The following GOPC variants were observed in gnomAD, a reference collection of about 807,000 sequenced individuals.
The protein encoded by GOPC is Golgi-associated PDZ and coiled-coil motif-containing protein.
A neutral mutation model predicts 51.2 loss-of-function variants in GOPC; 32 were observed. That is an observed-to-expected ratio of 0.63 (90% CI 0.47 to 0.84). The LOEUF is 0.84. GOPC is among the 40% of genes least tolerant of loss of function. The probability of loss-of-function intolerance (pLI) is 0.00; values close to 1 mark genes in which losing one functional copy is unlikely to be tolerated. For missense variants in GOPC, 441 were observed against 555.5 expected, an observed-to-expected ratio of 0.79 and a Z score of 2.07; for synonymous variants, 190 against 205.1, an observed-to-expected ratio of 0.93 and a Z score of 0.63.
intron 5 of GOPC, among the ~76,000 whole-genome samples, chr6:117,572,594 T>C (rs1779821783): frequency 1.3e-5 from 2 of 152,146 alleles, no homozygotes. Flanking sequence ...CCCAACCTCA[T>C]ATTTAGCTAA....
chr6:117,592,128 A>G (rs1387419696), intron 1 of GOPC, among the ~76,000 whole-genome samples: 1 of 152,208 alleles, frequency 6.6e-6, no homozygotes, highest in Non-Finnish European at 1.5e-5. Context: ...GCACTTTGGG[A>G]GGCCAAGGCG....
At chr6:117,582,136 T>C (rs1030563588) in intron 1 of GOPC, among the ~76,000 whole-genome samples, 12 of 152,048 alleles carry the variant, frequency 7.9e-5, no homozygotes, top group East Asian at 1.9e-4. Flanking sequence ...TATTGACCAT[T>C]TGAATACCCT....
chr6:117,570,928 C>A lies in GOPC; in HGVS notation c.844G>T (p.Gly282Cys). 2 of 1,593,996 alleles carry A rather than the reference C, an allele frequency of 1.3e-6. No homozygotes were observed. Among genetic ancestry groups the A allele is most frequent in the Middle Eastern group, 1.7e-4 (1 of 5,838 alleles). ...AGAACTTTTCTAATTGGACCAACAC[C>A]TTGGCTTTTCTTTAGGGAATCTTGA... ...HDQDSLKKSQ[G>C]VGPIRKVLLL... Residue 282 changes from glycine (G) to cysteine (C), a missense_variant, in exon 6 of 9, where the codon GGT becomes TGT. Gly to Cys is a radical substitution (Grantham distance 159). Around this residue, in one of 3 missense-constraint regions of GOPC, gnomAD observed 166 missense variants for 267.0 expected, o/e 0.62. Transcript: ENST00000368498.
chr6:117,580,705 C>T (rs1038268103), intron 1 of GOPC, among the ~76,000 whole-genome samples: 2 of 152,004 alleles, frequency 1.3e-5, no homozygotes, highest in Admixed American at 1.3e-4. Context: ...AGTTGTACAA[C>T]CATAGTTACT....
intron 1 of GOPC, among the ~76,000 whole-genome samples, chr6:117,590,599 A>G (rs1780102866): frequency 6.6e-6 from 1 of 151,866 alleles, no homozygotes; most frequent in Non-Finnish European, 1.5e-5. Context: ...AAAAAGATAA[A>G]AAGATTACAT....
intron 5 of GOPC, among the ~76,000 whole-genome samples, chr6:117,572,303 C>T (rs1202612109): frequency 1.3e-5 from 2 of 152,150 alleles, no homozygotes; most frequent in Non-Finnish European, 2.9e-5. Flanking sequence ...CAGTTAGTCA[C>T]CAATCAAGCC....
chr6:117,591,489 A>G (rs1780116104), intron 1 of GOPC, among the ~76,000 whole-genome samples: 1 of 152,236 alleles, frequency 6.6e-6, no homozygotes, highest in East Asian at 1.9e-4. Context: ...AATAAGTTCA[A>G]GGGCTTAGGG....
rs1255822872 is a variant in GOPC at position 117,602,462 on chromosome 6, TGAAGCTGAGGCGGCAACG to T, written c.-192_-175del. The T allele has an allele frequency of 7.8e-6, 5 of 642,526 alleles. No homozygotes were observed. Among genetic ancestry groups the T allele is most frequent in the Non-Finnish European group, 1.3e-5 (5 of 378,362 alleles). The allele number at this position is 642,526 out of a possible 1,614,324, so 39.8% of individuals were successfully genotyped here. On this transcript the variant is annotated 5_prime_UTR_variant, in exon 1 of 9. Coordinates refer to ENST00000368498, the MANE Select transcript of GOPC (RefSeq NM_020399.4). ...CACAGAACCGCAGGAGTAACGAGGC[TGAAGCTGAGGCGGCAACG>T]GCGGCGACACACGGAAGACTCAGTC... is the stretch of plus-strand genomic sequence containing the variant.
chr6:117,593,217 CT>C (rs1445822006), intron 1 of GOPC, among the ~76,000 whole-genome samples: 2 of 152,074 alleles, frequency 1.3e-5, no homozygotes, highest in Non-Finnish European at 2.9e-5. Context: ...CTCTCACCTA[CT>C]TTTAGCAACT....
intron 1 of GOPC, 94 bp downstream of exon 1, chr6:117,601,910 T>C (rs1772019849): frequency 7.2e-7 from 1 of 1,395,148 alleles, no homozygotes; most frequent in Non-Finnish European, 9.8e-7. Context: ...GGTGGGCAGT[T>C]TTCTAGGGTC....
chr6:117,591,261 G>A (rs1780112606), intron 1 of GOPC, among the ~76,000 whole-genome samples: 1 of 151,788 alleles, frequency 6.6e-6, no homozygotes, highest in Admixed American at 6.6e-5. Flanking sequence ...TTGGGAGCAT[G>A]GAAGCAAAGA....
At chr6:117,574,196 A>C (rs1779845478) in intron 4 of GOPC, among the ~76,000 whole-genome samples, 1 of 151,916 alleles carries the variant, frequency 6.6e-6, no homozygotes, top group Non-Finnish European at 1.5e-5. Flanking sequence ...CGCTGCAGTG[A>C]GCCAACGTTG....
At chr6:117,585,875 A>C (rs1780025197) in intron 1 of GOPC, among the ~76,000 whole-genome samples, 1 of 152,224 alleles carries the variant, frequency 6.6e-6, no homozygotes, top group African/African-American at 2.4e-5. Context: ...ATGCAAGCAA[A>C]CAAAGCACAC....
chr6:117,568,021 C>G (rs1425973127), intron 7 of GOPC, among the ~76,000 whole-genome samples: 1 of 126,674 alleles, frequency 7.9e-6, no homozygotes. Flanking sequence ...CAAAACCCAT[C>G]TCTACAAAAA....
At chr6:117,589,153 C>G (rs1325922432) in intron 1 of GOPC, among the ~76,000 whole-genome samples, 1 of 152,150 alleles carries the variant, frequency 6.6e-6, no homozygotes, top group Admixed American at 6.5e-5. Context: ...ACATGCAGCC[C>G]ACAGGCTGCG....
At chr6:117,581,399 C>T (rs181865753) in intron 1 of GOPC, among the ~76,000 whole-genome samples, 7 of 151,066 alleles carry the variant, frequency 4.6e-5, no homozygotes, top group African/African-American at 7.3e-5. Context: ...CATATATAAA[C>T]ATATCAGGGA....
intron 8 of GOPC, among the ~76,000 whole-genome samples, chr6:117,566,437 G>A (rs1179033151): frequency 6.6e-6 from 1 of 152,062 alleles, no homozygotes; most frequent in Non-Finnish European, 1.5e-5. Context: ...GATTCTAATA[G>A]CAATCATAAG....
rs150754726 is a variant in GOPC, at chr6:117,570,607, T to C, written c.912+253A>G. 8.5e-3 allele frequency among the ~76,000 whole-genome samples: 1,295 copies of C among 152,122 alleles called. 19 individuals carry two copies. The highest frequency in any genetic ancestry group is 0.027 in the African/African-American group (1,123 of 41,482). On this transcript the variant is annotated intron_variant, in intron 6 of 8. Coordinates refer to ENST00000368498, the MANE Select transcript of GOPC (RefSeq NM_020399.4). ...GGGCTCCTAGAGGCATCACAGTATA[T>C]GGCACAGAACTATTAAGTGAATCAT... is the stretch of plus-strand genomic sequence containing the variant.
intron 5 of GOPC, 67 bp downstream of exon 5, chr6:117,573,400 G>A: frequency 6.6e-7 from 1 of 1,514,340 alleles, no homozygotes; most frequent in Non-Finnish European, 9.0e-7. Context: ...AGGAAAGAAT[G>A]GAAAGCAACT....
Sources: gnomAD v4.1 joint callset for allele counts (sites outside exome capture counted in the v4.1 genomes callset) on GRCh38, gnomAD v4.1.1 for gene constraint, gnomAD v4.1.1 regional missense constraint, MANE v1.5 for transcripts, NCBI Gene and HGNC (gene_info 2026-07-23, HGNC 2026-07-21) for gene names.